TTC38: variants seen among roughly 807,000 people sequenced by gnomAD.
TTC38 encodes the protein tetratricopeptide repeat protein 38.
In TTC38, 64 loss-of-function variants were observed where a neutral mutation model predicts 64.2. The observed-to-expected ratio is 1.00, with a 90% confidence interval of 0.81 to 1.23. TTC38 has a LOEUF of 1.23. TTC38 is among the 50% of genes most tolerant of loss of function. The probability of loss-of-function intolerance (pLI) is 0.00; values close to 1 mark genes in which losing one functional copy is unlikely to be tolerated. For missense variants in TTC38, 573 were observed against 615.5 expected (o/e 0.93, Z 0.73); for synonymous variants, 254 against 249.3 (o/e 1.02, Z -0.18).
Position 46,280,813 on chromosome 22 carries a change from A to G in TTC38, c.616-786A>G, listed in dbSNP as rs774003682. Among the ~76,000 whole-genome samples, 159 of 152,248 alleles carry G rather than the reference A, an allele frequency of 1.0e-3. 1 individual carries two copies. The highest frequency in any genetic ancestry group is 3.6e-3 in the African/African-American group (151 of 41,534). On this transcript the variant is annotated intron_variant, in intron 6 of 13. Coordinates refer to ENST00000381031, the MANE Select transcript of TTC38 (RefSeq NM_017931.4). ...GACTGAGGCAGTGGGGCTGGCGGGA[A>G]CTCATGATTTGGCATGGGGGACCTG...
chr22:46,289,390 T>C lies in TTC38; in HGVS notation c.1083-12T>C. 3 of 1,606,144 alleles carry C rather than the reference T, an allele frequency of 1.9e-6. No individual in the cohort carries two copies. Among genetic ancestry groups the C allele is most frequent in the Non-Finnish European group, 2.5e-6 (3 of 1,178,906 alleles). ...TGGGCAGGCAGCTGAGGGCACCGTC[T>C]TGGGTTCGCAGATCCCCAGGGGAGA... On this transcript the variant is annotated splice_polypyrimidine_tract_variant and intron_variant, in intron 11 of 13. Coordinates refer to ENST00000381031, the MANE Select transcript of TTC38 (RefSeq NM_017931.4).
chr22:46,268,112 C>T (rs1405667260), intron 1 of TTC38, 40 bp downstream of exon 1: 11 of 1,527,234 alleles, frequency 7.2e-6, no homozygotes, highest in South Asian at 4.8e-5. Context: ...CCCTCGGGCC[C>T]CGGGTCCTGG....
Position 46,281,526 on chromosome 22 carries a change from ACCTGCCGTCG to A in TTC38, c.616-66_616-57del, listed in dbSNP as rs2077534649. ...CCCAGGCCCCTCTTGCCCCTTAGAG[ACCTGCCGTCG>A]CCTGCCCCGGCAGCCTGACTGATCT... On this transcript the variant is annotated intron_variant, in intron 6 of 13. Coordinates refer to ENST00000381031, the MANE Select transcript of TTC38 (RefSeq NM_017931.4). The surrounding 1 kb of genome is among the most constrained non-coding windows in gnomAD (Gnocchi z 5.2). 6.4e-7 allele frequency: 1 copy of A among 1,567,058 alleles called. No homozygotes were observed. Among genetic ancestry groups the A allele is most frequent in the Non-Finnish European group, 8.7e-7 (1 of 1,150,766 alleles).
At chr22:46,289,692 C>A in intron 12 of TTC38, 131 bp downstream of exon 12, 1 of 1,454,696 alleles carries the variant, frequency 6.9e-7, no homozygotes, top group Non-Finnish European at 9.6e-7. Context: ...CACACTCCCG[C>A]CGTGTAAGTT....
In TTC38 at chr22:46,285,295, A is replaced by C. The variant is rs2077563808; in HGVS notation, c.834+16A>C. On this transcript the variant is annotated intron_variant, in intron 9 of 13. Coordinates refer to ENST00000381031, the MANE Select transcript of TTC38 (RefSeq NM_017931.4). Reference sequence around the variant, plus strand: ...CGATACCCACGTAAGTTGCATTCACACCGTGTTTGGTTTGTTGCAGCATTT... The same window carrying C: ...CGATACCCACGTAAGTTGCATTCACCCCGTGTTTGGTTTGTTGCAGCATTT... 6.2e-7 allele frequency: 1 copy of C among 1,613,872 alleles called. No homozygotes were observed. The highest frequency in any genetic ancestry group is 1.3e-5 in the African/African-American group (1 of 75,018).
In TTC38 at chr22:46,282,992, A is replaced by G. The variant is rs923083993; in HGVS notation, c.736-981A>G. 2.0e-5 allele frequency among the ~76,000 whole-genome samples: 3 copies of G among 151,974 alleles called. No individual in the cohort carries two copies. Among genetic ancestry groups the G allele is most frequent in the Non-Finnish European group, 4.4e-5 (3 of 68,008 alleles). Reference sequence around the variant, plus strand: ...CGCCCAAGGTGGAGTGCAGTGGCACAATCAGGGCTCACCGCAGCCTCGACC... The same window carrying G: ...CGCCCAAGGTGGAGTGCAGTGGCACGATCAGGGCTCACCGCAGCCTCGACC... On this transcript the variant is annotated intron_variant, in intron 7 of 13. Transcript: ENST00000381031. The surrounding 1 kb of genome is among the most constrained non-coding windows in gnomAD (Gnocchi z 4.4).
Position 46,276,546 on chromosome 22 carries a change from AAGTT to A in TTC38, c.539+1128_539+1131del, listed in dbSNP as rs1334384075. On this transcript the variant is annotated intron_variant, in intron 5 of 13. Transcript: ENST00000381031. This position sits in a 1 kb window ranked among gnomAD's most constrained non-coding sequence, Gnocchi z 4.7. ...TACAAAAAGAAAAAATAAATTAAAA[AAGTT>A]AGCCAGGCATGGTGGCATGTGCCTG... 6.6e-6 allele frequency among the ~76,000 whole-genome samples: 1 copy of A among 151,494 alleles called. No individual in the cohort carries two copies. Among genetic ancestry groups the A allele is most frequent in the Non-Finnish European group, 1.5e-5 (1 of 67,938 alleles).
rs1255443632 is a variant in TTC38 at position 46,292,874 on chromosome 22, T to C, written c.1400T>C (p.Leu467Pro). 1.2e-6 allele frequency: 2 copies of C among 1,612,936 alleles called. No individual in the cohort carries two copies. Among genetic ancestry groups the C allele is most frequent in the Non-Finnish European group, 1.7e-6 (2 of 1,179,246 alleles). ...ATCCGCAAGGCAGCTACCGTCCACCTCATGCAGTGAGCCAGCCTGGCCGCC... is the reference window on the plus strand; with the variant it reads ...ATCCGCAAGGCAGCTACCGTCCACCCCATGCAGTGAGCCAGCCTGGCCGCC... ...RLIRKAATVH[L>P]MQ is the part of the protein sequence containing the mutation. The change falls in exon 14 of 14, where the codon CTC (leucine) becomes CCC (proline). Residue 467 changes from leucine to proline, a missense_variant. Leu to Pro is a moderately conservative substitution (Grantham distance 98, BLOSUM62 -3). Transcript: ENST00000381031. The surrounding 1 kb of genome is among the most constrained non-coding windows in gnomAD (Gnocchi z 6.5).
intron 9 of TTC38, among the ~76,000 whole-genome samples, 165 bp from the exon 10 acceptor site, chr22:46,286,908 C>T (rs2077575458): frequency 6.6e-6 from 1 of 152,192 alleles, no homozygotes; most frequent in Non-Finnish European, 1.5e-5. Flanking sequence ...GCAGTCTACA[C>T]CCCAGGCAAG....
chr22:46,283,247 C>T lies in TTC38; in HGVS notation c.736-726C>T, dbSNP rs1188740805. ...AGCCACTGTGCCCGGCTGATCCTTG[C>T]AGTTTTATCCAAGTGCCCTGAGCTG... On this transcript the variant is annotated intron_variant, in intron 7 of 13. Transcript: ENST00000381031. Among the ~76,000 whole-genome samples the T allele has an allele frequency of 2.0e-5, 3 of 152,270 alleles. No individual in the cohort carries two copies. The East Asian group carries it at 5.8e-4, about 29-fold the overall frequency.
intron 6 of TTC38, among the ~76,000 whole-genome samples, chr22:46,280,971 G>A (rs1170179578): frequency 1.3e-5 from 2 of 152,238 alleles, no homozygotes; most frequent in African/African-American, 2.4e-5. Flanking sequence ...CGGCTAGGAG[G>A]GGAGGATCAT....
rs2077487420 is a variant in TTC38 at position 46,276,398 on chromosome 22, T to G, written c.539+977T>G. Among the ~76,000 whole-genome samples, 1 of 152,134 alleles carries G rather than the reference T, an allele frequency of 6.6e-6. No individual in the cohort carries two copies. The highest frequency in any genetic ancestry group is 1.5e-5 in the Non-Finnish European group (1 of 68,018). ...TACTCAAATCGCATCTAGAAATACC[T>G]TCACGAGACTGGGCACAGTGGCTTA... On this transcript the variant is annotated intron_variant, in intron 5 of 13. Transcript: ENST00000381031. This position sits in a 1 kb window ranked among gnomAD's most constrained non-coding sequence, Gnocchi z 4.7.
rs1936912740 is a variant in TTC38 at position 46,272,283 on chromosome 22, T to C, written c.112-52T>C. 6.7e-7 allele frequency: 1 copy of C among 1,498,104 alleles called. No individual in the cohort carries two copies. Among genetic ancestry groups the C allele is most frequent in the Admixed American group, 1.7e-5 (1 of 58,952 alleles). 92.8% of individuals were successfully genotyped at this position (1,498,104 alleles called of 1,614,324 possible). A position where few individuals can be genotyped will look rare whatever the true frequency, so the allele number is the denominator to read the frequency against. On this transcript the variant is annotated intron_variant, in intron 2 of 13. Transcript: ENST00000381031. This position sits in a 1 kb window ranked among gnomAD's most constrained non-coding sequence, Gnocchi z 6.4. ...AAACCTGGATTTAGAGCCACCTTTG[T>C]TAGAATGATCCAAGGGCTCCGTGAG...
chr22:46,272,748 G>T lies in TTC38; in HGVS notation c.193+332G>T, dbSNP rs1936922301. ...CTGTACTTAAAGCCACCCAGCTGGT[G>T]GTTGACCCCTGGGATTAGATAAAGC... On this transcript the variant is annotated intron_variant, in intron 3 of 13. Transcript: ENST00000381031. This position sits in a 1 kb window ranked among gnomAD's most constrained non-coding sequence, Gnocchi z 6.4. Among the ~76,000 whole-genome samples, 1 of 152,182 alleles carries T rather than the reference G, an allele frequency of 6.6e-6. No homozygotes were observed. Among genetic ancestry groups the T allele is most frequent in the Admixed American group, 6.5e-5 (1 of 15,282 alleles).
Position 46,273,836 on chromosome 22 carries a change from T to C in TTC38, c.194-62T>C. ...GGGTGTCTCTGTGACATGTGGAGTC[T>C]GGGCTGGGATGGGCTGAGCTGGACC... On this transcript the variant is annotated intron_variant, in intron 3 of 13. Transcript: ENST00000381031. The surrounding 1 kb of genome is among the most constrained non-coding windows in gnomAD (Gnocchi z 5.1). The C allele has an allele frequency of 4.5e-6, 7 of 1,569,230 alleles. No individual in the cohort carries two copies. Among genetic ancestry groups the C allele is most frequent in the Non-Finnish European group, 5.2e-6 (6 of 1,145,500 alleles).
intron 6 of TTC38, among the ~76,000 whole-genome samples, chr22:46,279,470 T>C (rs1216331794): frequency 6.6e-6 from 1 of 152,166 alleles, no homozygotes; most frequent in Non-Finnish European, 1.5e-5. Flanking sequence ...TAAGACCACA[T>C]GGCTCAGAGA....
At chr22:46,268,100 C>A (rs1358505066) in intron 1 of TTC38, 28 bp downstream of exon 1, 3 of 1,531,242 alleles carry the variant, frequency 2.0e-6, no homozygotes, top group African/African-American at 1.4e-5. Context: ...CCAACCAGGT[C>A]CCCCTCGGGC....
intron 8 of TTC38, 134 bp from the exon 9 acceptor site, chr22:46,285,107 C>A: frequency 1.3e-6 from 1 of 747,262 alleles, no homozygotes; most frequent in East Asian, 2.6e-5. Context: ...AGACACCGTC[C>A]GTCCACCTCT....
At chr22:46,290,662 GGTGA>G (rs1447317024) in intron 13 of TTC38, among the ~76,000 whole-genome samples, 6 of 150,998 alleles carry the variant, frequency 4.0e-5, no homozygotes, top group Non-Finnish European at 8.8e-5. Context: ...GTGGCTGGAG[GGTGA>G]GTGTTAGGAG....
Sources: allele counts gnomAD v4.1 joint callset (sites outside exome capture counted in the v4.1 genomes callset), GRCh38; gene constraint gnomAD v4.1.1; non-coding constraint Gnocchi (gnomAD v3.1); transcripts MANE v1.5; gene names NCBI Gene and HGNC (gene_info 2026-07-23, HGNC 2026-07-21).